HDAC9: variants seen among roughly 807,000 people sequenced by gnomAD.
The protein encoded by HDAC9 is histone deacetylase 9, also known as MEF-2 interacting transcription repressor (MITR) protein.
HDAC9 carries 41 observed loss-of-function variants against 139.4 expected under a neutral mutation model. The ratio of observed to expected loss-of-function variants is 0.29; its 90% confidence interval spans 0.23 to 0.38. The LOEUF is 0.38. Among genes scored for constraint, HDAC9 ranks in the 10% least tolerant of loss-of-function variants. The probability of loss-of-function intolerance (pLI) is 1.00; values close to 1 mark genes in which losing one functional copy is unlikely to be tolerated. For missense variants in HDAC9, 1,147 were observed against 1,297.0 expected (o/e 0.88, Z 1.78); for synonymous variants, 517 against 476.2 (o/e 1.09, Z -1.12).
At chr7:18,368,001 A>G (rs898337879) in intron 1 of HDAC9, among the ~76,000 whole-genome samples, 2 of 152,034 alleles carry the variant, frequency 1.3e-5, no homozygotes, top group African/African-American at 4.8e-5. Flanking sequence ...TGCTTTGTCT[A>G]CTTTCTTTTG....
chr7:18,217,737 A>G (rs1270748766), intron 2 of HDAC9, among the ~76,000 whole-genome samples: 5 of 152,248 alleles, frequency 3.3e-5, no homozygotes, highest in African/African-American at 4.8e-5. Flanking sequence ...TGATTTTAAA[A>G]GCAGTACAAG....
chr7:18,556,603 C>CTT (rs1818895854), intron 2 of HDAC9, among the ~76,000 whole-genome samples: 2 of 151,976 alleles, frequency 1.3e-5, no homozygotes, highest in African/African-American at 4.8e-5. Flanking sequence ...ATTTCTGTCT[C>CTT]AATCCAGTGT....
intron 12 of HDAC9, chr7:18,668,493 T>G (rs768104338): frequency 2.8e-4 from 270 of 978,986 alleles, no homozygotes; most frequent in Non-Finnish European, 3.2e-4. Context: ...CTGAGCAGAC[T>G]TTTGTATAAT....
intron 6 of HDAC9, among the ~76,000 whole-genome samples, chr7:18,618,735 T>C (rs926370728): frequency 0.029 from 2,444 of 84,880 alleles, 81 homozygotes; most frequent in African/African-American, 0.14. Context: ...TGTATATATA[T>C]ATATATATAT....
chr7:18,565,020 G>A (rs1050902500), intron 2 of HDAC9, among the ~76,000 whole-genome samples: 9 of 148,962 alleles, frequency 6.0e-5, no homozygotes, highest in South Asian at 2.1e-4. Flanking sequence ...ATTTTGAGGC[G>A]GAGTTTCACT....
chr7:18,733,533 T>C (rs1207377924), intron 13 of HDAC9, among the ~76,000 whole-genome samples: 1 of 151,666 alleles, frequency 6.6e-6, no homozygotes, highest in South Asian at 2.1e-4. Context: ...CTGAAGAAGA[T>C]AAAAAGAGCT....
chr7:18,371,318 C>A (rs1284440790), intron 1 of HDAC9, among the ~76,000 whole-genome samples: 1 of 152,030 alleles, frequency 6.6e-6, no homozygotes, highest in South Asian at 2.1e-4. Context: ...GTATGTAGCA[C>A]CTTTATTGTT....
At chr7:18,296,048 C>T (rs1286239449) in intron 1 of HDAC9, among the ~76,000 whole-genome samples, 1 of 152,024 alleles carries the variant, frequency 6.6e-6, no homozygotes, top group Non-Finnish European at 1.5e-5. Flanking sequence ...CATGGTCTAC[C>T]AGTAGGTTTG....
chr7:18,584,137 A>ATTT (rs140630559), intron 2 of HDAC9, among the ~76,000 whole-genome samples: 2 of 80,648 alleles, frequency 2.5e-5, no homozygotes, highest in Non-Finnish European at 5.3e-5. Context: ...AGAAAGCAGC[A>ATTT]TTCTTTTTTT....
chr7:18,339,988 A>G (rs1349657635), intron 1 of HDAC9, among the ~76,000 whole-genome samples: 1 of 151,526 alleles, frequency 6.6e-6, no homozygotes, highest in Non-Finnish European at 1.5e-5. Flanking sequence ...AGAAAATAGT[A>G]TTGAGATTTC....
At chr7:18,118,916 T>C (rs972036062) in intron 1 of HDAC9, among the ~76,000 whole-genome samples, 2 of 152,208 alleles carry the variant, frequency 1.3e-5, no homozygotes, top group Non-Finnish European at 2.9e-5. Context: ...GCATGCTGAA[T>C]GCAGGTAGCT....
intron 14 of HDAC9, among the ~76,000 whole-genome samples, chr7:18,751,134 G>A (rs1161120207): frequency 6.6e-6 from 1 of 152,048 alleles, no homozygotes; most frequent in African/African-American, 2.4e-5. Flanking sequence ...TTTTTCAATT[G>A]CTTATATACA....
chr7:18,657,539 A>G (rs951632041), intron 11 of HDAC9, among the ~76,000 whole-genome samples: 20 of 152,168 alleles, frequency 1.3e-4, no homozygotes, highest in Non-Finnish European at 2.9e-5. Flanking sequence ...TTATCAGGGA[A>G]AGAATCCTAT....
intron 2 of HDAC9, among the ~76,000 whole-genome samples, chr7:18,263,409 T>A (rs1245428560): frequency 6.6e-6 from 1 of 152,158 alleles, no homozygotes; most frequent in African/African-American, 2.4e-5. Context: ...GGCAGGAGGA[T>A]GTTAAAAGAA....
chr7:18,743,831 A>C (rs908791085), intron 13 of HDAC9, among the ~76,000 whole-genome samples: 5 of 152,020 alleles, frequency 3.3e-5, no homozygotes, highest in Admixed American at 1.3e-4. Flanking sequence ...GTCATTAGAC[A>C]TGAACCTTGT....
intron 11 of HDAC9, among the ~76,000 whole-genome samples, chr7:18,649,679 C>A (rs764087292): frequency 6.6e-6 from 1 of 152,094 alleles, no homozygotes; most frequent in Non-Finnish European, 1.5e-5. Context: ...ATCTTTCTAA[C>A]GGCAGTAGGG....
At chr7:18,490,488 G>C (rs112936741) in intron 1 of HDAC9, among the ~76,000 whole-genome samples, 3 of 151,940 alleles carry the variant, frequency 2.0e-5, no homozygotes, top group African/African-American at 4.8e-5. Flanking sequence ...CAATGCCAAC[G>C]TGATTTCTCA....
chr7:18,586,308 A>C (rs59508709), intron 3 of HDAC9, among the ~76,000 whole-genome samples: 4,341 of 152,170 alleles, frequency 0.029, 204 homozygotes, highest in African/African-American at 0.099. Flanking sequence ...AACATCTTGC[A>C]ACTTCTTGAC....
chr7:18,604,349 C>A (rs2128883737), intron 6 of HDAC9, among the ~76,000 whole-genome samples: 1 of 151,428 alleles, frequency 6.6e-6, no homozygotes, highest in South Asian at 2.1e-4. Flanking sequence ...ATTGACATAT[C>A]TTCAAAGTTA....
Sources: allele counts gnomAD v4.1 joint callset (sites outside exome capture counted in the v4.1 genomes callset), GRCh38; gene constraint gnomAD v4.1.1; transcripts MANE v1.5; gene names NCBI Gene and HGNC (gene_info 2026-07-23, HGNC 2026-07-21).